The following GTF2F2 variants were observed in gnomAD, a reference collection of about 807,000 sequenced individuals.
GTF2F2 encodes the protein general transcription factor IIF subunit 2.
A neutral mutation model predicts 42.2 loss-of-function variants in GTF2F2; 23 were observed. The observed-to-expected ratio is 0.55, with a 90% CI of 0.39 to 0.77. The LOEUF is 0.77. Ranked by LOEUF, GTF2F2 falls within the 30% of genes least tolerant of loss-of-function variation. The probability of loss-of-function intolerance (pLI) is 0.00; values close to 1 mark genes in which losing one functional copy is unlikely to be tolerated. For synonymous variants in GTF2F2, 105 were observed against 100.8 expected, an observed-to-expected ratio of 1.04 and a Z score of -0.25; for missense variants, 261 against 287.2, an observed-to-expected ratio of 0.91 and a Z score of 0.66.
At chr13:45,271,634 C>A (rs755023478) in intron 7 of GTF2F2, among the ~76,000 whole-genome samples, 16 of 152,020 alleles carry the variant, frequency 1.1e-4, no homozygotes, top group Non-Finnish European at 1.9e-4. Context: ...TCACTACAAC[C>A]TCCACCTCCC....
At chr13:45,174,638 T>C (rs980452548) in intron 4 of GTF2F2, among the ~76,000 whole-genome samples, 34 of 144,202 alleles carry the variant, frequency 2.4e-4, no homozygotes, top group Admixed American at 1.6e-3. Context: ...TTTTTTCTTT[T>C]TTTTTTTTTT....
At chr13:45,158,121 A>G (rs1044150428) in intron 4 of GTF2F2, among the ~76,000 whole-genome samples, 5 of 152,174 alleles carry the variant, frequency 3.3e-5, no homozygotes, top group Admixed American at 6.5e-5. Context: ...CTCTGTCCCC[A>G]CCCAAATCTC....
chr13:45,196,358 A>C (rs891620845), intron 4 of GTF2F2, among the ~76,000 whole-genome samples: 1 of 152,160 alleles, frequency 6.6e-6, no homozygotes, highest in Non-Finnish European at 1.5e-5. Flanking sequence ...CTCCTGCAGC[A>C]CTTAATAAGA....
Position 45,151,840 on chromosome 13 carries a change from G to C in GTF2F2, c.304+9G>C. On this transcript the variant is annotated intron_variant, in intron 4 of 7. Coordinates refer to ENST00000340473, the MANE Select transcript of GTF2F2 (RefSeq NM_004128.3). ...TACTGAGAGCTCATCAGGTAAGTGG[G>C]AATGGAATTATTTAATGTGATTCCT... 7.3e-7 allele frequency: 1 copy of C among 1,367,466 alleles called. No homozygotes were observed. The highest frequency in any genetic ancestry group is 9.8e-7 in the Non-Finnish European group (1 of 1,017,554). 84.7% of individuals were successfully genotyped at this position (1,367,466 alleles called of 1,614,324 possible). A position where few individuals can be genotyped will look rare whatever the true frequency, so the allele number is the denominator to read the frequency against.
intron 4 of GTF2F2, among the ~76,000 whole-genome samples, chr13:45,159,091 G>A (rs1487026364): frequency 2.0e-5 from 3 of 152,148 alleles, no homozygotes; most frequent in African/African-American, 7.2e-5. Context: ...ACCATATTCT[G>A]TGACACTTGG....
chr13:45,194,550 G>A (rs1453890370), intron 4 of GTF2F2: 1 of 1,610,426 alleles, frequency 6.2e-7, no homozygotes, highest in Admixed American at 1.7e-5. Context: ...TTTCTCTTCT[G>A]TTTATTTTAC....
chr13:45,145,038 G>T (rs1447027650), intron 2 of GTF2F2, among the ~76,000 whole-genome samples: 1 of 152,140 alleles, frequency 6.6e-6, no homozygotes, highest in Non-Finnish European at 1.5e-5. Flanking sequence ...AGTTCTCGAT[G>T]ATGCCATTAT....
chr13:45,200,246 T>TGA (rs1247471695), intron 4 of GTF2F2, among the ~76,000 whole-genome samples: 1 of 151,654 alleles, frequency 6.6e-6, no homozygotes, highest in African/African-American at 2.4e-5. Flanking sequence ...TGCAGGGAGA[T>TGA]GAGAGAGAGA....
chr13:45,263,467 A>G (rs2138260258), intron 6 of GTF2F2, among the ~76,000 whole-genome samples: 1 of 152,150 alleles, frequency 6.6e-6, no homozygotes. Context: ...TGACCTCGTG[A>G]TCTGCCCACC....
intron 5 of GTF2F2, among the ~76,000 whole-genome samples, chr13:45,218,036 AG>A (rs1265478853): frequency 6.6e-6 from 1 of 152,242 alleles, no homozygotes; most frequent in Non-Finnish European, 1.5e-5. Flanking sequence ...AAGTAATTTG[AG>A]TAGGCAGATT....
At chr13:45,121,183 A>C (rs1432921979) in intron 1 of GTF2F2, among the ~76,000 whole-genome samples, 1 of 152,228 alleles carries the variant, frequency 6.6e-6, no homozygotes. Context: ...ATGGTCCTTA[A>C]TGAAGCTCTC....
chr13:45,130,626 G>T (rs117195022), intron 1 of GTF2F2, among the ~76,000 whole-genome samples: 50 of 152,258 alleles, frequency 3.3e-4, no homozygotes, highest in Non-Finnish European at 6.2e-4. Flanking sequence ...TGAAGATATT[G>T]ACAGGATGTA....
intron 4 of GTF2F2, among the ~76,000 whole-genome samples, chr13:45,173,834 G>A (rs1290952693): frequency 6.6e-6 from 1 of 151,692 alleles, no homozygotes; most frequent in East Asian, 1.9e-4. Flanking sequence ...AGCCAGGATG[G>A]TCTCGATCTC....
chr13:45,156,630 A>G (rs1870769283), intron 4 of GTF2F2, among the ~76,000 whole-genome samples: 1 of 152,090 alleles, frequency 6.6e-6, no homozygotes, highest in Admixed American at 6.6e-5. Context: ...AGTCGACCAG[A>G]ATTAGAGGTT....
At chr13:45,244,006 G>C (rs61949207) in intron 5 of GTF2F2, among the ~76,000 whole-genome samples, 1 of 152,318 alleles carries the variant, frequency 6.6e-6, no homozygotes, top group East Asian at 1.9e-4. Context: ...ACAGTTGGTT[G>C]AATCTGCAGG....
At chr13:45,144,652 AGGTT>A (rs2138111126) in intron 2 of GTF2F2, among the ~76,000 whole-genome samples, 2 of 151,898 alleles carry the variant, frequency 1.3e-5, no homozygotes, top group South Asian at 4.2e-4. Flanking sequence ...TGTGTTAGCC[AGGTT>A]GGTCTCGATC....
intron 4 of GTF2F2, among the ~76,000 whole-genome samples, chr13:45,177,898 G>A (rs1012697539): frequency 1.3e-5 from 2 of 152,132 alleles, no homozygotes; most frequent in African/African-American, 2.4e-5. Context: ...TTTCTGTGGA[G>A]AATTCTGTTA....
chr13:45,127,987 G>C (rs1410877661), intron 1 of GTF2F2, among the ~76,000 whole-genome samples: 1 of 115,620 alleles, frequency 8.6e-6, no homozygotes, highest in Non-Finnish European at 1.7e-5. Flanking sequence ...TTTGAGACGG[G>C]TCTTGCTCTG....
intron 5 of GTF2F2, among the ~76,000 whole-genome samples, chr13:45,221,457 T>C (rs1197156963): frequency 6.6e-6 from 1 of 152,164 alleles, no homozygotes; most frequent in East Asian, 1.9e-4. Flanking sequence ...ACTGAGGGAC[T>C]TATCCATGTA....
Sources: gnomAD v4.1 joint callset for allele counts (sites outside exome capture counted in the v4.1 genomes callset) on GRCh38, gnomAD v4.1.1 for gene constraint, MANE v1.5 for transcripts, NCBI Gene and HGNC (gene_info 2026-07-23, HGNC 2026-07-21) for gene names.